Variants in CBARP observed in about 807,000 individuals in gnomAD.
The protein encoded by CBARP is voltage-dependent calcium channel beta subunit-associated regulatory protein.
In CBARP, 24 loss-of-function variants were observed where a neutral mutation model predicts 36.3. The observed-to-expected ratio is 0.66, with a 90% CI of 0.48 to 0.93. CBARP has a LOEUF of 0.93. CBARP is among the 40% of genes least tolerant of loss of function. CBARP has a pLI of 0.00. For missense variants in CBARP, 1,146 were observed against 980.4 expected (o/e 1.17, Z -2.26); for synonymous variants, 586 against 453.2 (o/e 1.29, Z -3.72).
chr19:1,234,167 T>C, intron 7 of CBARP, 24 bp downstream of exon 7: 6 of 1,491,334 alleles, frequency 4.0e-6, no homozygotes, highest in Non-Finnish European at 5.3e-6. Flanking sequence ...GTGGACACCA[T>C]GGGGGACACG....
chr19:1,233,383 C>G, intron 8 of CBARP, 43 bp downstream of exon 8: 2 of 1,518,886 alleles, frequency 1.3e-6, no homozygotes, highest in Non-Finnish European at 1.8e-6. Context: ...CAGCCAGCAC[C>G]CAGCCCACAG....
Position 1,229,275 on chromosome 19 carries a change from G to A in CBARP, c.2022C>T (p.Asp674=). ...SVLDKLAAGL[D]ERLFPPRLAE... Reference sequence around the variant, plus strand: ...CGAGGCGCGGCGGAAAGAGTCTCTCGTCGAGGCCAGCCGCCAGCTTGTCCA... The same window carrying A: ...CGAGGCGCGGCGGAAAGAGTCTCTCATCGAGGCCAGCCGCCAGCTTGTCCA... Residue 674 remains aspartate, a synonymous_variant, in exon 10 of 10, where the codon GAC becomes GAT. Coordinates refer to ENST00000650044, the MANE Select transcript of CBARP (RefSeq NM_001393918.1). The surrounding 1 kb of genome is among the most constrained non-coding windows in gnomAD (Gnocchi z 5.1). The A allele has an allele frequency of 1.6e-6, 2 of 1,255,040 alleles. No homozygotes were observed. Among genetic ancestry groups the A allele is most frequent in the Non-Finnish European group, 2.0e-6 (2 of 975,884 alleles). 77.7% of individuals were successfully genotyped at this position (1,255,040 alleles called of 1,614,324 possible).
At chr19:1,236,856 G>GC (rs2080981452) in intron 1 of CBARP, among the ~76,000 whole-genome samples, 1 of 146,398 alleles carries the variant, frequency 6.8e-6, no homozygotes, top group Non-Finnish European at 1.5e-5. Flanking sequence ...CGGCCTGGGG[G>GC]GGGGCGGCGG....
Position 1,229,949 on chromosome 19 carries a change from C to T in CBARP, c.1348G>A (p.Ala450Thr), listed in dbSNP as rs1248117562. Residue 450 changes from alanine (A) to threonine (T), a missense_variant, in exon 10 of 10, where the codon GCC becomes ACC. Transcript: ENST00000650044. This position sits in a 1 kb window ranked among gnomAD's most constrained non-coding sequence, Gnocchi z 5.1. Reference protein sequence around the residue: ...LRASLELHAAASDHSSSGNDR... With the variant: ...LRASLELHAATSDHSSSGNDR... ...TTGCCGCTGCTGCTGTGGTCCGAGGCGGCCGCATGCAGCTCAAGCGAGGCG... is the reference window on the plus strand; with the variant it reads ...TTGCCGCTGCTGCTGTGGTCCGAGGTGGCCGCATGCAGCTCAAGCGAGGCG... The T allele has an allele frequency of 5.8e-6, 7 of 1,199,566 alleles. No homozygotes were observed. Among genetic ancestry groups the T allele is most frequent in the Non-Finnish European group, 6.4e-6 (6 of 943,690 alleles). The allele number at this position is 1,199,566 out of a possible 1,614,324, so 74.3% of individuals were successfully genotyped here.
At position 1,229,256 on chromosome 19, in the gene CBARP, G is replaced by T; in HGVS notation, c.2041C>A (p.Arg681Ser). 2.4e-6 allele frequency: 3 copies of T among 1,245,244 alleles called. No homozygotes were observed. The highest frequency in any genetic ancestry group is 3.1e-6 in the Non-Finnish European group (3 of 970,034). 77.1% of individuals were successfully genotyped at this position (1,245,244 alleles called of 1,614,324 possible). The stretch of plus-strand genomic sequence containing the variant: ...GTCGCCACGACGGGCTCGGCGAGGC[G>T]CGGCGGAAAGAGTCTCTCGTCGAGG... ...AGLDERLFPP[R>S]LAEPVVATPA... Residue 681 changes from arginine to serine, a missense_variant, in exon 10 of 10, where the codon CGC (arginine) becomes AGC (serine). Arg to Ser is a moderately radical substitution (Grantham distance 110, BLOSUM62 -1). Transcript: ENST00000650044. This position sits in a 1 kb window ranked among gnomAD's most constrained non-coding sequence, Gnocchi z 5.1.
At chr19:1,230,828 A>C in intron 9 of CBARP, 2 of 1,474,006 alleles carry the variant, frequency 1.4e-6, no homozygotes. Flanking sequence ...CTCGGACTCC[A>C]CCAGCAAGCA....
At chr19:1,231,850 G>A (rs1269920112) in intron 8 of CBARP, among the ~76,000 whole-genome samples, 2 of 152,034 alleles carry the variant, frequency 1.3e-5, no homozygotes, top group Non-Finnish European at 2.9e-5. Flanking sequence ...GAGCAGGGCA[G>A]GGCCAGGAAG....
intron 1 of CBARP, among the ~76,000 whole-genome samples, chr19:1,236,754 C>G (rs1238986993): frequency 6.6e-6 from 1 of 151,412 alleles, no homozygotes; most frequent in Non-Finnish European, 1.5e-5. Context: ...GTTCCCAGCC[C>G]CGGAGAAGCT....
intron 9 of CBARP, chr19:1,230,684 G>A: frequency 7.8e-7 from 1 of 1,278,244 alleles, no homozygotes; most frequent in South Asian, 2.8e-5. Flanking sequence ...CAGGGAAGTT[G>A]CCCTTGGGTT....
chr19:1,232,612 C>T (rs542889294), intron 8 of CBARP, among the ~76,000 whole-genome samples: 1 of 152,340 alleles, frequency 6.6e-6, no homozygotes, highest in East Asian at 1.9e-4. Flanking sequence ...GATAAGGCAG[C>T]CCTGTCTCCA....
chr19:1,232,137 C>T (rs1599943806), intron 8 of CBARP, among the ~76,000 whole-genome samples: 1 of 152,232 alleles, frequency 6.6e-6, no homozygotes, highest in East Asian at 1.9e-4. Flanking sequence ...CCCAGCAAAG[C>T]TTGAGTGGGC....
rs2080858672 is a variant in CBARP, at chr19:1,229,313, A to ATGG, written c.1981_1983dup (p.Pro661dup). 4 of 1,252,618 alleles carry ATGG rather than the reference A, an allele frequency of 3.2e-6. No homozygotes were observed. In the South Asian group the frequency reaches 5.2e-5, roughly 16 times the overall value. 77.6% of individuals were successfully genotyped at this position (1,252,618 alleles called of 1,614,324 possible). On this transcript the variant is annotated inframe_insertion, in exon 10 of 10. Transcript: ENST00000650044. The surrounding 1 kb of genome is among the most constrained non-coding windows in gnomAD (Gnocchi z 5.1). ...GCCAGCTTGTCCAGCACCGACCCGG[A>ATGG]TGGTAGGACGCACAGGCCCGAGCCG...
chr19:1,230,619 G>T, intron 9 of CBARP: 1 of 1,229,214 alleles, frequency 8.1e-7, no homozygotes, highest in Non-Finnish European at 1.0e-6. Flanking sequence ...CAGGAACCCT[G>T]CTCTGCCCCA....
chr19:1,231,989 TGA>T (rs1377136521), intron 8 of CBARP, among the ~76,000 whole-genome samples: 1 of 152,104 alleles, frequency 6.6e-6, no homozygotes, highest in East Asian at 1.9e-4. Flanking sequence ...ACGGAAGGCA[TGA>T]GAGAGTCACA....
At chr19:1,231,074 C>T (rs771357082) in intron 9 of CBARP, 27 bp downstream of exon 9, 42 of 1,588,170 alleles carry the variant, frequency 2.6e-5, no homozygotes, top group Non-Finnish European at 3.4e-5. Flanking sequence ...AGGTCCACCC[C>T]TAGCACCTCC....
At position 1,235,527 on chromosome 19, in the gene CBARP, A is replaced by T; in HGVS notation, c.284T>A (p.Leu95Gln). The change falls in exon 4 of 10, where the codon CTG (leucine) becomes CAG (glutamine). Residue 95 changes from leucine to glutamine, a missense_variant. Coordinates refer to ENST00000650044, the MANE Select transcript of CBARP (RefSeq NM_001393918.1). The part of the protein sequence containing the change: ...EEAEKTTTTY[L>Q]DNGTHPAQDP... ...TTGGGCTGGGTGGGTGCCGTTGTCC[A>T]GGTAGGTGGTGGTGGTCTTCTCCGC... is the stretch of plus-strand genomic sequence containing the variant. 6.2e-7 allele frequency: 1 copy of T among 1,604,882 alleles called. No individual in the cohort carries two copies. The highest frequency in any genetic ancestry group is 8.5e-7 in the Non-Finnish European group (1 of 1,176,612).
intron 4 of CBARP, 131 bp downstream of exon 4, chr19:1,235,370 C>T (rs1334561291): frequency 2.5e-5 from 29 of 1,156,570 alleles, no homozygotes; most frequent in South Asian, 2.1e-4. Flanking sequence ...AGAGATGAGT[C>T]GGAATCGAGC....
Position 1,233,468 on chromosome 19 carries a change from T to C in CBARP, c.937A>G (p.Lys313Glu), listed in dbSNP as rs1277942771. 7 of 1,603,068 alleles carry C rather than the reference T, an allele frequency of 4.4e-6. No individual in the cohort carries two copies. Among genetic ancestry groups the C allele is most frequent in the Non-Finnish European group, 5.1e-6 (6 of 1,175,434 alleles). The change falls in exon 8 of 10, where the codon AAG becomes GAG. Residue 313 changes from lysine to glutamate, a missense_variant. Transcript: ENST00000650044. Reference sequence around the variant, plus strand: ...GCTGCCCGCTGGCTGGGCTCCAGCTTCCACTTCTTGACCTTGAAATAGGGG... The same window carrying C: ...GCTGCCCGCTGGCTGGGCTCCAGCTCCCACTTCTTGACCTTGAAATAGGGG... ...ASPYFKVKKW[K>E]LEPSQRAASL...
At chr19:1,234,775 A>T in intron 5 of CBARP, 33 bp from the exon 6 acceptor site, 1 of 1,596,740 alleles carries the variant, frequency 6.3e-7, no homozygotes, top group South Asian at 1.1e-5. Context: ...GAGCCCGCCC[A>T]CCTCCCATGC....
Sources: allele counts gnomAD v4.1 joint callset (sites outside exome capture counted in the v4.1 genomes callset), GRCh38; gene constraint gnomAD v4.1.1; non-coding constraint Gnocchi (gnomAD v3.1); transcripts MANE v1.5; gene names NCBI Gene and HGNC (gene_info 2026-07-23, HGNC 2026-07-21).